Variants in CAMTA1 observed in about 807,000 individuals in gnomAD.
The protein encoded by CAMTA1 is calmodulin binding transcription activator 1, also known as calmodulin-binding transcription activator 1.
In CAMTA1, 27 loss-of-function variants were observed where a neutral mutation model predicts 170.9. That is an observed-to-expected ratio of 0.16 (90% CI 0.12 to 0.22). The LOEUF (loss-of-function observed/expected upper bound fraction) is 0.22, where lower values mean the gene tolerates loss of function less well. CAMTA1 is among the 10% of genes least tolerant of loss of function. The pLI is 1.00. For synonymous variants in CAMTA1, 833 were observed against 891.5 expected, an observed-to-expected ratio of 0.93 and a Z score of 1.17; for missense variants, 1,619 against 2,217.2, an observed-to-expected ratio of 0.73 and a Z score of 5.42.
intron 11 of CAMTA1, among the ~76,000 whole-genome samples, chr1:7,730,586 C>T (rs2096724358): frequency 6.6e-6 from 1 of 152,138 alleles, no homozygotes. Context: ...GAATATCTGG[C>T]ACAGTGTTCC....
At chr1:7,594,789 G>A (rs2095386229) in intron 6 of CAMTA1, among the ~76,000 whole-genome samples, 1 of 152,238 alleles carries the variant, frequency 6.6e-6, no homozygotes. Flanking sequence ...AGAGCTGCAT[G>A]GAAGGTTCTT....
At chr1:6,991,815 C>T (rs1696419874) in intron 3 of CAMTA1, among the ~76,000 whole-genome samples, 1 of 152,144 alleles carries the variant, frequency 6.6e-6, no homozygotes. Context: ...TCTCCGGCCT[C>T]AGCCTTCTGA....
At chr1:7,627,941 T>C (rs2095644247) in intron 6 of CAMTA1, among the ~76,000 whole-genome samples, 1 of 152,124 alleles carries the variant, frequency 6.6e-6, no homozygotes, top group Admixed American at 6.5e-5. Flanking sequence ...TCATCTGAAT[T>C]GTGTGGTGGA....
chr1:6,955,047 C>T (rs1025070139), intron 3 of CAMTA1, among the ~76,000 whole-genome samples: 6 of 152,008 alleles, frequency 3.9e-5, no homozygotes, highest in African/African-American at 1.5e-4. Context: ...TTTTTGTCTG[C>T]GGCTCTGGCA....
intron 5 of CAMTA1, among the ~76,000 whole-genome samples, chr1:7,424,963 G>A (rs2149332811): frequency 6.6e-6 from 1 of 152,278 alleles, no homozygotes; most frequent in East Asian, 1.9e-4. Context: ...CATAGGGAGG[G>A]AGGGAGGCAG....
chr1:7,275,810 T>TA (rs1241429612), intron 5 of CAMTA1, among the ~76,000 whole-genome samples: 1 of 152,132 alleles, frequency 6.6e-6, no homozygotes, highest in African/African-American at 2.4e-5. Flanking sequence ...GAATTTGATT[T>TA]AAAAAAATTT....
chr1:6,931,128 G>T (rs1298955559), intron 3 of CAMTA1, among the ~76,000 whole-genome samples: 1 of 152,244 alleles, frequency 6.6e-6, no homozygotes, highest in Non-Finnish European at 1.5e-5. Context: ...TGGTTAACCT[G>T]CAGCTAGCTG....
At position 7,768,221 on chromosome 1, in the gene CAMTA1, A is replaced by G. The variant is rs553875338; in HGVS notation, c.*1730A>G. 6.9e-6 allele frequency: 1 copy of G among 144,406 alleles called. No individual in the cohort carries two copies. Among genetic ancestry groups the G allele is most frequent in the Non-Finnish European group, 1.5e-5 (1 of 65,214 alleles). 8.9% of individuals were successfully genotyped at this position (144,406 alleles called of 1,614,324 possible). A position where few individuals can be genotyped will look rare whatever the true frequency, so the allele number is the denominator to read the frequency against. ...CAGAAAATATAATAAAATTGCACAA[A>G]AAAAAAAATGAAAAAGATGCAGACT... On this transcript the variant is annotated 3_prime_UTR_variant, in exon 23 of 23. Transcript: ENST00000303635.
At chr1:6,798,447 C>G (rs1052723763) in intron 1 of CAMTA1, among the ~76,000 whole-genome samples, 1 of 152,042 alleles carries the variant, frequency 6.6e-6, no homozygotes, top group African/African-American at 2.4e-5. Flanking sequence ...ATTTATTTAT[C>G]TTTTGAGACA....
Position 7,585,082 on chromosome 1 carries a change from T to C in CAMTA1, c.511-55318T>C, listed in dbSNP as rs568562868. On this transcript the variant is annotated intron_variant, in intron 6 of 22. Transcript: ENST00000303635. The surrounding 1 kb of genome is among the most constrained non-coding windows in gnomAD (Gnocchi z 4.8). ...TTTCTGCAGCAAAATTTATGAATAT[T>C]CACACAAAGAGGGATGAACTGAGAC... 6.6e-6 allele frequency among the ~76,000 whole-genome samples: 1 copy of C among 152,306 alleles called. No individual in the cohort carries two copies. Among genetic ancestry groups the C allele is most frequent in the East Asian group, 1.9e-4 (1 of 5,180 alleles).
intron 3 of CAMTA1, among the ~76,000 whole-genome samples, chr1:6,984,962 C>T (rs559908275): frequency 9.2e-5 from 14 of 152,306 alleles, no homozygotes; most frequent in Non-Finnish European, 1.5e-4. Context: ...AGAAAGGGGT[C>T]GTTGTATCTG....
intron 6 of CAMTA1, among the ~76,000 whole-genome samples, chr1:7,597,698 G>T (rs2095410809): frequency 6.6e-6 from 1 of 152,144 alleles, no homozygotes; most frequent in Admixed American, 6.5e-5. Context: ...TCTGCTGGTG[G>T]AATTGCTTCT....
Position 7,064,339 on chromosome 1 carries a change from T to A in CAMTA1, c.235-26965T>A, listed in dbSNP as rs527692094. On this transcript the variant is annotated intron_variant, in intron 3 of 22. Transcript: ENST00000303635. The surrounding 1 kb of genome is among the most constrained non-coding windows in gnomAD (Gnocchi z 5.4). Reference sequence around the variant, plus strand: ...TAATATAATCATGAGGACACCTACCTTCATGACTTGTCTCATATTAATTAG... The same window carrying A: ...TAATATAATCATGAGGACACCTACCATCATGACTTGTCTCATATTAATTAG... Among the ~76,000 whole-genome samples the A allele has an allele frequency of 1.1e-4, 17 of 152,178 alleles. No individual in the cohort carries two copies. Among genetic ancestry groups the A allele is most frequent in the Non-Finnish European group, 2.2e-4 (15 of 68,044 alleles).
intron 1 of CAMTA1, among the ~76,000 whole-genome samples, chr1:6,816,905 G>GT (rs964580733): frequency 1.3e-5 from 2 of 152,160 alleles, no homozygotes; most frequent in African/African-American, 2.4e-5. Flanking sequence ...TATCATGGAA[G>GT]TTTTTTTGTG....
chr1:7,410,961 G>A (rs1187205237), intron 5 of CAMTA1, among the ~76,000 whole-genome samples: 1 of 150,824 alleles, frequency 6.6e-6, no homozygotes, highest in Non-Finnish European at 1.5e-5. Context: ...GTGTATGTCT[G>A]TGTGTGTATG....
intron 5 of CAMTA1, among the ~76,000 whole-genome samples, chr1:7,252,425 A>C (rs1251358787): frequency 6.6e-6 from 1 of 152,244 alleles, no homozygotes; most frequent in Non-Finnish European, 1.5e-5. Flanking sequence ...GCCTTTTCAG[A>C]CAAGATCAAC....
rs796913022 is a variant in CAMTA1 at position 7,461,476 on chromosome 1, G to C, written c.439-6354G>C. Among the ~76,000 whole-genome samples, 9 of 152,350 alleles carry C rather than the reference G, an allele frequency of 5.9e-5. 1 individual carries two copies. Among genetic ancestry groups the C allele is most frequent in the African/African-American group, 2.2e-4 (9 of 41,584 alleles). Reference sequence around the variant, plus strand: ...TTGAAATGTGGCTGCTGCAACTGAGGAACTGAAGCTTTGATTGGATTTAAT... The same window carrying C: ...TTGAAATGTGGCTGCTGCAACTGAGCAACTGAAGCTTTGATTGGATTTAAT... On this transcript the variant is annotated intron_variant, in intron 5 of 22. Coordinates refer to ENST00000303635, the MANE Select transcript of CAMTA1 (RefSeq NM_015215.4).
intron 1 of CAMTA1, among the ~76,000 whole-genome samples, chr1:6,791,113 T>C (rs898825628): frequency 6.1e-5 from 1 of 16,268 alleles, no homozygotes; most frequent in Non-Finnish European, 1.5e-4. Flanking sequence ...TACCCTGTCC[T>C]TTTTTTTTTT....
chr1:6,866,815 A>G (rs1207882451), intron 3 of CAMTA1, among the ~76,000 whole-genome samples: 1 of 152,228 alleles, frequency 6.6e-6, no homozygotes, highest in Non-Finnish European at 1.5e-5. Context: ...TTAGTAATCA[A>G]TACTAAGGGT....
Sources: allele counts gnomAD v4.1 joint callset (sites outside exome capture counted in the v4.1 genomes callset), GRCh38; gene constraint gnomAD v4.1.1; non-coding constraint Gnocchi (gnomAD v3.1); transcripts MANE v1.5; gene names NCBI Gene and HGNC (gene_info 2026-07-23, HGNC 2026-07-21).